Variants in NIPBL observed in about 807,000 individuals in gnomAD.
NIPBL encodes the protein NIPBL cohesin loading factor.
A neutral mutation model predicts 321.8 loss-of-function variants in NIPBL; 19 were observed. The ratio of observed to expected loss-of-function variants is 0.06; its 90% CI spans 0.04 to 0.09. The LOEUF is 0.09. NIPBL is among the 10% of genes least tolerant of loss of function. The pLI is 1.00. For synonymous variants in NIPBL, 1,106 were observed against 1,114.1 expected, an observed-to-expected ratio of 0.99 and a Z score of 0.14; for missense variants, 2,210 against 3,327.0, an observed-to-expected ratio of 0.66 and a Z score of 8.26.
chr5:36,893,136 T>C (rs1746470769), intron 1 of NIPBL, among the ~76,000 whole-genome samples: 2 of 152,194 alleles, frequency 1.3e-5, no homozygotes, highest in African/African-American at 4.8e-5. Context: ...TGTATTTGTT[T>C]ATCCAGCCTC....
chr5:36,965,504 G>T (rs559345946), intron 6 of NIPBL, among the ~76,000 whole-genome samples: 1 of 152,242 alleles, frequency 6.6e-6, no homozygotes, highest in Non-Finnish European at 1.5e-5. Context: ...GTGGTTACCA[G>T]AGGCTGGGAA....
intron 32 of NIPBL, 131 bp downstream of exon 32, chr5:37,027,543 C>T (rs1314122336): frequency 2.3e-5 from 11 of 479,040 alleles, no homozygotes; most frequent in Non-Finnish European, 7.7e-6. Flanking sequence ...AAATTTATTT[C>T]AATATGTTAG....
At position 37,048,702 on chromosome 5, in the gene NIPBL, C is replaced by A. The variant is rs527400167; in HGVS notation, c.6763+27C>A. The A allele has an allele frequency of 1.3e-5, 20 of 1,493,008 alleles. No individual in the cohort carries two copies. The African/African-American group carries it at 2.1e-4, about 16-fold the overall frequency. 92.5% of individuals were successfully genotyped at this position (1,493,008 alleles called of 1,614,324 possible). On this transcript the variant is annotated intron_variant, in intron 39 of 46. Coordinates refer to ENST00000282516, the MANE Select transcript of NIPBL (RefSeq NM_133433.4). ...TAAGTGAAAATATATTTTTAAATTT[C>A]ATAGCTACATTTATATTATAATGGC...
At chr5:37,029,015 G>C (rs1401580888) in intron 32 of NIPBL, among the ~76,000 whole-genome samples, 1 of 152,112 alleles carries the variant, frequency 6.6e-6, no homozygotes, top group Non-Finnish European at 1.5e-5. Flanking sequence ...TAAACTCTTA[G>C]TGAAATCTAG....
At chr5:36,881,080 T>C (rs1745467301) in intron 1 of NIPBL, among the ~76,000 whole-genome samples, 1 of 152,052 alleles carries the variant, frequency 6.6e-6, no homozygotes, top group African/African-American at 2.4e-5. Flanking sequence ...GCATTTTTCT[T>C]GTCTTTGAGA....
At chr5:36,923,687 T>A (rs922527446) in intron 1 of NIPBL, among the ~76,000 whole-genome samples, 2 of 152,200 alleles carry the variant, frequency 1.3e-5, no homozygotes, top group Non-Finnish European at 2.9e-5. Context: ...TTGACCTGTT[T>A]TGGCTTTCTG....
chr5:36,982,197 T>C, intron 9 of NIPBL: 1 of 978,606 alleles, frequency 1.0e-6, no homozygotes, highest in Non-Finnish European at 1.2e-6. Context: ...AATCTTATGG[T>C]TCCCAGTGCT....
rs1745082868 is a variant in NIPBL, at chr5:36,876,807, C to G, written c.-451C>G. Reference sequence around the variant, plus strand: ...AGGGAGAGACGGAACGAGAGAGAGACACACACAGGGCTCCTTCCCCCCGCC... The same window carrying G: ...AGGGAGAGACGGAACGAGAGAGAGAGACACACAGGGCTCCTTCCCCCCGCC... On this transcript the variant is annotated 5_prime_UTR_variant, in exon 1 of 47. Transcript: ENST00000282516. The G allele has an allele frequency of 2.5e-6, 1 of 397,584 alleles. No individual in the cohort carries two copies. The highest frequency in any genetic ancestry group is 1.3e-4 in the South Asian group (1 of 7,826). The allele number at this position is 397,584 out of a possible 1,614,324, so 24.6% of individuals were successfully genotyped here.
chr5:37,061,324 A>G (rs761676854), intron 45 of NIPBL, among the ~76,000 whole-genome samples: 15 of 152,128 alleles, frequency 9.9e-5, no homozygotes, highest in Non-Finnish European at 1.8e-4. Context: ...TCTGCGGGAA[A>G]TTGGTTCCAG....
chr5:37,015,409 C>G (rs2149689682), intron 22 of NIPBL, among the ~76,000 whole-genome samples: 1 of 152,084 alleles, frequency 6.6e-6, no homozygotes, highest in Admixed American at 6.5e-5. Context: ...CAGGCGTGAG[C>G]CACTGCGCCC....
intron 1 of NIPBL, among the ~76,000 whole-genome samples, chr5:36,912,653 C>T (rs1172463236): frequency 2.6e-5 from 4 of 151,980 alleles, no homozygotes; most frequent in South Asian, 2.1e-4. Context: ...AGGCATGTGC[C>T]ACCACTCCTG....
At chr5:37,017,220 T>A in intron 24 of NIPBL, 58 bp downstream of exon 24, 2 of 1,475,544 alleles carry the variant, frequency 1.4e-6, no homozygotes, top group Non-Finnish European at 1.9e-6. Flanking sequence ...TCTTTGCATG[T>A]CCTTACATTA....
At chr5:36,877,840 T>C (rs975174456) in intron 1 of NIPBL, among the ~76,000 whole-genome samples, 3 of 152,232 alleles carry the variant, frequency 2.0e-5, no homozygotes, top group Non-Finnish European at 2.9e-5. Flanking sequence ...GAATATTTAA[T>C]ACAGAAAAAC....
At chr5:36,918,287 C>T (rs949228032) in intron 1 of NIPBL, among the ~76,000 whole-genome samples, 25 of 152,144 alleles carry the variant, frequency 1.6e-4, no homozygotes, top group African/African-American at 6.0e-4. Context: ...TTTGAAGCAA[C>T]TGTGAGTGGG....
intron 46 of NIPBL, 153 bp downstream of exon 46, chr5:37,064,131 T>C: frequency 7.0e-7 from 1 of 1,437,458 alleles, no homozygotes; most frequent in Non-Finnish European, 9.1e-7. Flanking sequence ...CTTACCCGTT[T>C]ATACATCCTT....
Position 36,961,471 on chromosome 5 carries a change from G to A in NIPBL, c.359-13G>A. 6.8e-7 allele frequency: 1 copy of A among 1,467,782 alleles called. No homozygotes were observed. The allele number at this position is 1,467,782 out of a possible 1,614,324, so 90.9% of individuals were successfully genotyped here. On this transcript the variant is annotated splice_polypyrimidine_tract_variant and intron_variant, in intron 4 of 46. Coordinates refer to ENST00000282516, the MANE Select transcript of NIPBL (RefSeq NM_133433.4). ...GAAGAAAATAACGTTCTGTATTTTT[G>A]TGTTTTGCATAGGAATGATGATGTC...
At chr5:37,026,476 T>C in intron 31 of NIPBL, 149 bp downstream of exon 31, 3 of 678,688 alleles carry the variant, frequency 4.4e-6, no homozygotes, top group Non-Finnish European at 8.2e-6. Flanking sequence ...CTGGAGATGC[T>C]GAAGGGATGC....
At chr5:36,973,472 T>C (rs956231660) in intron 8 of NIPBL, among the ~76,000 whole-genome samples, 1 of 152,090 alleles carries the variant, frequency 6.6e-6, no homozygotes, top group Non-Finnish European at 1.5e-5. Flanking sequence ...AGGTTTTTTT[T>C]CTTTCTTTCT....
chr5:36,946,893 T>C (rs554301563), intron 1 of NIPBL, among the ~76,000 whole-genome samples: 7 of 152,232 alleles, frequency 4.6e-5, no homozygotes, highest in Admixed American at 1.3e-4. Flanking sequence ...TCCATAGCAG[T>C]GTAGATGTTT....
Sources: allele counts gnomAD v4.1 joint callset (sites outside exome capture counted in the v4.1 genomes callset), GRCh38; gene constraint gnomAD v4.1.1; transcripts MANE v1.5; gene names NCBI Gene and HGNC (gene_info 2026-07-23, HGNC 2026-07-21).